The following SMURF2 variants were observed in gnomAD, a reference collection of about 807,000 sequenced individuals.
SMURF2 encodes SMAD specific E3 ubiquitin protein ligase 2.
In SMURF2, 48 loss-of-function variants were observed where a neutral mutation model predicts 109.6. The observed-to-expected ratio is 0.44, with a 90% CI of 0.35 to 0.56. The LOEUF (loss-of-function observed/expected upper bound fraction) is 0.56. Ranked by LOEUF, SMURF2 falls within the 20% of genes least tolerant of loss-of-function variation. The pLI is 0.01. For synonymous variants in SMURF2, 288 were observed against 317.1 expected (o/e 0.91, Z 0.97); for missense variants, 575 against 909.0 (o/e 0.63, Z 4.72).
At chr17:64,661,398 C>T (rs1213950909) in intron 1 of SMURF2, among the ~76,000 whole-genome samples, 1 of 152,124 alleles carries the variant, frequency 6.6e-6, no homozygotes, top group African/African-American at 2.4e-5. Context: ...TCCCGTTAAG[C>T]GCTCCATCTT....
At chr17:64,549,933 C>A (rs1969017588) in intron 16 of SMURF2, among the ~76,000 whole-genome samples, 1 of 152,184 alleles carries the variant, frequency 6.6e-6, no homozygotes, top group Non-Finnish European at 1.5e-5. Context: ...TAACACCACA[C>A]TGAACAGGGA....
chr17:64,548,120 T>G (rs782787618), intron 16 of SMURF2, among the ~76,000 whole-genome samples: 5 of 152,098 alleles, frequency 3.3e-5, no homozygotes, highest in Non-Finnish European at 7.4e-5. Flanking sequence ...ATTGAGAATG[T>G]TTCATAAGTT....
chr17:64,563,159 T>C, intron 10 of SMURF2, 193 bp from the exon 11 acceptor site: 1 of 490,962 alleles, frequency 2.0e-6, no homozygotes, highest in South Asian at 3.5e-5. Flanking sequence ...ATAGTCCACA[T>C]AAACTGACAG....
intron 12 of SMURF2, among the ~76,000 whole-genome samples, chr17:64,558,682 C>G (rs75555265): frequency 0.012 from 1,808 of 152,290 alleles, 9 homozygotes; most frequent in Non-Finnish European, 0.018. Context: ...CATACCACTT[C>G]TTGACTTCAA....
chr17:64,545,737 G>T lies in SMURF2; in HGVS notation c.*111C>A, dbSNP rs1361576268. The T allele has an allele frequency of 7.4e-5, 25 of 338,552 alleles. No individual in the cohort carries two copies. The highest frequency in any genetic ancestry group is 4.3e-4 in the South Asian group (6 of 13,922). 21.0% of individuals were successfully genotyped at this position (338,552 alleles called of 1,614,324 possible). On this transcript the variant is annotated 3_prime_UTR_variant, in exon 19 of 19. Coordinates refer to ENST00000262435, the MANE Select transcript of SMURF2 (RefSeq NM_022739.4). Reference sequence around the variant, plus strand: ...AATGTAAAAAAAAAAAAAAAAAGGGGGGGGGGGGGAGTGTTTTCCTGTATT... The same window carrying T: ...AATGTAAAAAAAAAAAAAAAAAGGGTGGGGGGGGGAGTGTTTTCCTGTATT...
chr17:64,658,916 G>C (rs1258022447), intron 1 of SMURF2, among the ~76,000 whole-genome samples: 2 of 152,158 alleles, frequency 1.3e-5, no homozygotes, highest in African/African-American at 4.8e-5. Context: ...ATGTTAATGT[G>C]TCATAAAGAA....
intron 10 of SMURF2, among the ~76,000 whole-genome samples, chr17:64,571,326 A>G (rs1969395943): frequency 6.6e-6 from 1 of 152,116 alleles, no homozygotes; most frequent in African/African-American, 2.4e-5. Flanking sequence ...GGTTTAAAAT[A>G]CTCATATCAG....
chr17:64,658,606 G>T (rs1970734736), intron 1 of SMURF2, among the ~76,000 whole-genome samples: 1 of 152,078 alleles, frequency 6.6e-6, no homozygotes, highest in Admixed American at 6.6e-5. Flanking sequence ...GTATAAAAAG[G>T]TCTGAAACAA....
chr17:64,591,037 G>C, intron 5 of SMURF2, 47 bp downstream of exon 5: 1 of 1,384,306 alleles, frequency 7.2e-7, no homozygotes, highest in Non-Finnish European at 1.0e-6. Flanking sequence ...TTACACTTTA[G>C]GTCAGTTTGA....
At chr17:64,566,499 T>C (rs1261458191) in intron 10 of SMURF2, among the ~76,000 whole-genome samples, 1 of 140,890 alleles carries the variant, frequency 7.1e-6, no homozygotes, top group Non-Finnish European at 1.5e-5. Flanking sequence ...ATCCTGTCCT[T>C]AAGAAGAAAA....
intron 1 of SMURF2, among the ~76,000 whole-genome samples, chr17:64,622,207 T>G (rs2144697224): frequency 6.6e-6 from 1 of 151,948 alleles, no homozygotes; most frequent in South Asian, 2.1e-4. Flanking sequence ...GTAATAAACT[T>G]TTTATTTTAG....
chr17:64,621,281 C>CTATA (rs1319910331), intron 1 of SMURF2, among the ~76,000 whole-genome samples: 1 of 152,286 alleles, frequency 6.6e-6, no homozygotes, highest in Admixed American at 6.5e-5. Flanking sequence ...AAGACTGCAA[C>CTATA]TATAAAAAGC....
chr17:64,638,406 G>A (rs1970451246), intron 1 of SMURF2, among the ~76,000 whole-genome samples: 2 of 152,106 alleles, frequency 1.3e-5, no homozygotes, highest in Admixed American at 6.5e-5. Flanking sequence ...TCGTCATGTT[G>A]GGCAGGCTGG....
intron 1 of SMURF2, among the ~76,000 whole-genome samples, chr17:64,621,130 A>ATCT (rs1399823729): frequency 2.6e-5 from 4 of 152,222 alleles, no homozygotes; most frequent in African/African-American, 9.7e-5. Flanking sequence ...AAACTTCCAC[A>ATCT]TCTTCTGCAT....
intron 2 of SMURF2, among the ~76,000 whole-genome samples, chr17:64,600,323 T>C (rs1335133390): frequency 6.6e-6 from 1 of 152,138 alleles, no homozygotes; most frequent in Admixed American, 6.5e-5. Flanking sequence ...TTGACAAAAA[T>C]TTAAAAGGTG....
Position 64,580,896 on chromosome 17 carries a change from T to C in SMURF2, c.665A>G (p.Gln222Arg). 1.2e-6 allele frequency: 2 copies of C among 1,614,204 alleles called. No homozygotes were observed. Among genetic ancestry groups the C allele is most frequent in the Non-Finnish European group, 1.7e-6 (2 of 1,180,028 alleles). Residue 222 changes from glutamine to arginine, a missense_variant, in exon 8 of 19, where the codon CAG becomes CGG. Gln to Arg is a conservative substitution (Grantham distance 43). Transcript: ENST00000262435. Reference protein sequence around the residue: ...ISGTNGATCGQSSDPRLAERR... With the variant: ...ISGTNGATCGRSSDPRLAERR... ...CTCTGCCAGCCTGGGATCTGAAGAC[T>C]GTCCACATGTTGCACCATTTGTTCC...
intron 1 of SMURF2, among the ~76,000 whole-genome samples, chr17:64,646,373 TTTTC>T (rs1465256572): frequency 6.2e-5 from 9 of 146,276 alleles, no homozygotes; most frequent in Admixed American, 2.1e-4. Context: ...TTCTTTTTTT[TTTTC>T]TTTCTTTTTT....
intron 2 of SMURF2, among the ~76,000 whole-genome samples, chr17:64,605,974 GC>G (rs1279510383): frequency 6.7e-6 from 1 of 148,452 alleles, no homozygotes; most frequent in Non-Finnish European, 1.5e-5. Flanking sequence ...ATAACTTAAA[GC>G]TACAACAGAA....
chr17:64,602,851 G>A (rs1969916464), intron 2 of SMURF2, among the ~76,000 whole-genome samples: 1 of 152,062 alleles, frequency 6.6e-6, no homozygotes, highest in Non-Finnish European at 1.5e-5. Context: ...CTTGAACCTG[G>A]GAGGCGGAGG....
Sources: allele counts gnomAD v4.1 joint callset (sites outside exome capture counted in the v4.1 genomes callset), GRCh38; gene constraint gnomAD v4.1.1; transcripts MANE v1.5; gene names NCBI Gene and HGNC (gene_info 2026-07-23, HGNC 2026-07-21).